Variants in FAF1 observed in about 807,000 individuals in gnomAD.
FAF1 encodes the protein Fas associated factor 1.
In FAF1, 25 loss-of-function variants were observed where a neutral mutation model predicts 92.5. The ratio of observed to expected loss-of-function variants is 0.27; its 90% CI spans 0.20 to 0.38. The LOEUF (loss-of-function observed/expected upper bound fraction) is 0.38, where lower values mean the gene tolerates loss of function less well. FAF1 is among the 10% of genes least tolerant of loss of function. The pLI is 1.00. For missense variants in FAF1, 636 were observed against 793.3 expected (o/e 0.80, Z 2.38); for synonymous variants, 234 against 273.2 (o/e 0.86, Z 1.42).
At chr1:50,853,920 A>T (rs1192761553) in intron 2 of FAF1, among the ~76,000 whole-genome samples, 1 of 152,070 alleles carries the variant, frequency 6.6e-6, no homozygotes, top group Non-Finnish European at 1.5e-5. Flanking sequence ...TTTTAACAAA[A>T]AATTAGGACA....
intron 18 of FAF1, among the ~76,000 whole-genome samples, chr1:50,474,418 A>T (rs551673475): frequency 0.014 from 2,056 of 151,080 alleles, 21 homozygotes; most frequent in Non-Finnish European, 0.02. Flanking sequence ...TTTTTTTTTT[A>T]AATTTTTTAT....
At chr1:50,882,961 G>A (rs1419470797) in intron 1 of FAF1, among the ~76,000 whole-genome samples, 1 of 149,100 alleles carries the variant, frequency 6.7e-6, no homozygotes, top group Non-Finnish European at 1.5e-5. Context: ...TCTAGCCTAG[G>A]CAACAGAGTG....
At chr1:50,772,841 C>T (rs1660821391) in intron 4 of FAF1, among the ~76,000 whole-genome samples, 1 of 152,180 alleles carries the variant, frequency 6.6e-6, no homozygotes, top group Admixed American at 6.5e-5. Context: ...TCATGTACCC[C>T]TGAACCTAAA....
At chr1:50,537,033 TCCTC>T (rs997878045) in intron 14 of FAF1, among the ~76,000 whole-genome samples, 2 of 152,150 alleles carry the variant, frequency 1.3e-5, no homozygotes, top group African/African-American at 4.8e-5. Context: ...TCTCAAGTGA[TCCTC>T]CCACCTCAGC....
At chr1:50,687,571 G>A (rs1022677512) in intron 7 of FAF1, among the ~76,000 whole-genome samples, 5 of 151,942 alleles carry the variant, frequency 3.3e-5, no homozygotes, top group African/African-American at 1.2e-4. Context: ...CCAACAAGGT[G>A]AAACCCCGTC....
At chr1:50,503,403 A>G (rs1647015802) in intron 15 of FAF1, among the ~76,000 whole-genome samples, 1 of 152,062 alleles carries the variant, frequency 6.6e-6, no homozygotes, top group Non-Finnish European at 1.5e-5. Flanking sequence ...GAATTGCTTG[A>G]GGCTAAGAGT....
chr1:50,824,845 T>G (rs115462138), intron 2 of FAF1, among the ~76,000 whole-genome samples: 1,978 of 152,054 alleles, frequency 0.013, 43 homozygotes, highest in African/African-American at 0.044. Flanking sequence ...ATAAGCCAGG[T>G]ACAAGGAGAC....
chr1:50,811,535 A>G (rs552704259), intron 2 of FAF1, among the ~76,000 whole-genome samples: 2 of 152,342 alleles, frequency 1.3e-5, no homozygotes, highest in African/African-American at 4.8e-5. Context: ...GAGAATTACA[A>G]AAGATTGCTC....
intron 1 of FAF1, among the ~76,000 whole-genome samples, chr1:50,898,222 T>G (rs1421548232): frequency 6.6e-6 from 1 of 152,158 alleles, no homozygotes; most frequent in South Asian, 2.1e-4. Context: ...GAGGATCACT[T>G]GAGCTCAGAA....
chr1:50,485,128 ATTATTT>A (rs1179819027), intron 17 of FAF1, among the ~76,000 whole-genome samples: 1 of 151,610 alleles, frequency 6.6e-6, no homozygotes, highest in Non-Finnish European at 1.5e-5. Context: ...TATTATTATT[ATTATTT>A]TTTTTAAATA....
chr1:50,885,312 TCACA>T (rs376434464), intron 1 of FAF1, among the ~76,000 whole-genome samples: 11 of 137,340 alleles, frequency 8.0e-5, no homozygotes, highest in African/African-American at 1.4e-4. Context: ...TCTCTCTCTC[TCACA>T]CACACACACT....
At chr1:50,509,658 C>T (rs997944936) in intron 15 of FAF1, among the ~76,000 whole-genome samples, 15 of 151,954 alleles carry the variant, frequency 9.9e-5, no homozygotes, top group South Asian at 2.1e-4. Context: ...GTAATATGGG[C>T]TTCCTGGAGT....
chr1:50,642,907 C>T (rs1409748347), intron 8 of FAF1, among the ~76,000 whole-genome samples: 3 of 152,086 alleles, frequency 2.0e-5, no homozygotes, highest in Admixed American at 1.3e-4. Context: ...ATGGCACGAT[C>T]TTGGCTCCCT....
intron 2 of FAF1, among the ~76,000 whole-genome samples, chr1:50,824,281 A>G (rs979517015): frequency 2.6e-5 from 4 of 152,142 alleles, no homozygotes; most frequent in African/African-American, 9.7e-5. Context: ...GCCCAATTCA[A>G]GTCTCTCCTC....
At chr1:50,688,339 G>A (rs1483641736) in intron 7 of FAF1, among the ~76,000 whole-genome samples, 2 of 151,916 alleles carry the variant, frequency 1.3e-5, no homozygotes, top group Non-Finnish European at 2.9e-5. Context: ...CCATTTCTTG[G>A]GTGTATACGT....
intron 9 of FAF1, 22 bp from the exon 10 acceptor site, chr1:50,584,833 T>A: frequency 6.2e-7 from 1 of 1,609,190 alleles, no homozygotes; most frequent in Non-Finnish European, 8.5e-7. Context: ...AAGTCCTGAT[T>A]AGTTTCATAT....
At chr1:50,535,991 G>A (rs1338833988) in intron 14 of FAF1, among the ~76,000 whole-genome samples, 1 of 152,176 alleles carries the variant, frequency 6.6e-6, no homozygotes, top group Non-Finnish European at 1.5e-5. Context: ...GAAACCAGAA[G>A]AGGCTGACTC....
intron 15 of FAF1, among the ~76,000 whole-genome samples, chr1:50,524,530 A>C (rs1181986829): frequency 6.6e-6 from 1 of 152,190 alleles, no homozygotes; most frequent in Non-Finnish European, 1.5e-5. Context: ...TTTCCATTTA[A>C]GTCTTCAATC....
rs1972100 is a variant in FAF1 at position 50,819,789 on chromosome 1, A to T, written c.115-18112T>A. ...CGTATATATATATACATATATATAC[A>T]TATATATATATACATATATATATAT... is the stretch of plus-strand genomic sequence containing the variant. On this transcript the variant is annotated intron_variant, in intron 2 of 18. Transcript: ENST00000396153. 4.5e-3 allele frequency among the ~76,000 whole-genome samples: 290 copies of T among 64,300 alleles called. 27 individuals are homozygous for T. Among genetic ancestry groups the T allele is most frequent in the African/African-American group, 0.017 (264 of 15,958 alleles). The allele number at this position is 64,300 out of a possible 152,430, so 42.2% of individuals were successfully genotyped here.
Sources: gnomAD v4.1 joint callset for allele counts (sites outside exome capture counted in the v4.1 genomes callset) on GRCh38, gnomAD v4.1.1 for gene constraint, MANE v1.5 for transcripts, NCBI Gene and HGNC (gene_info 2026-07-23, HGNC 2026-07-21) for gene names.